Variants in THAP4 observed in about 807,000 individuals in gnomAD.
THAP4 encodes the protein THAP domain containing 4.
A neutral mutation model predicts 48.1 loss-of-function variants in THAP4; 18 were observed. The observed-to-expected ratio is 0.37, with a 90% CI of 0.26 to 0.56. The LOEUF (loss-of-function observed/expected upper bound fraction) is 0.56. THAP4 is among the 20% of genes least tolerant of loss of function. THAP4 has a pLI of 0.78. For synonymous variants in THAP4, 345 were observed against 324.9 expected, an observed-to-expected ratio of 1.06 and a Z score of -0.66; for missense variants, 656 against 774.9, an observed-to-expected ratio of 0.85 and a Z score of 1.82.
rs895083411 is a variant in THAP4 at position 241,616,347 on chromosome 2, G to A, written c.1241-9874C>T. ...ATCAGTGAGAAGGGCGGGTGCAGGC[G>A]CACGAGAGCTGAGGGCGAGCCCTGG... On this transcript the variant is annotated intron_variant, in intron 2 of 5. Coordinates refer to ENST00000407315, the MANE Select transcript of THAP4 (RefSeq NM_015963.6). The surrounding 1 kb of genome is among the most constrained non-coding windows in gnomAD (Gnocchi z 4.6). Among the ~76,000 whole-genome samples, 7 of 152,210 alleles carry A rather than the reference G, an allele frequency of 4.6e-5. No homozygotes were observed. Among genetic ancestry groups the A allele is most frequent in the African/African-American group, 1.2e-4 (5 of 41,460 alleles).
In THAP4 at chr2:241,610,228, G is replaced by GC. The variant is rs2067249055; in HGVS notation, c.1241-3756dup. On this transcript the variant is annotated intron_variant, in intron 2 of 5. Coordinates refer to ENST00000407315, the MANE Select transcript of THAP4 (RefSeq NM_015963.6). This position sits in a 1 kb window ranked among gnomAD's most constrained non-coding sequence, Gnocchi z 4.2. The stretch of plus-strand genomic sequence containing the variant: ...CGGGCTAGGGTGAGGGGCACGCGCC[G>GC]CAAGTCCTGCCTCTGCTCCCGGGCG... Among the ~76,000 whole-genome samples the GC allele has an allele frequency of 2.6e-5, 4 of 152,272 alleles. No individual in the cohort carries two copies. The South Asian group carries it at 8.3e-4, about 32-fold the overall frequency.
Position 241,637,109 on chromosome 2 carries a change from A to G in THAP4, c.-92T>C. Reference sequence around the variant, plus strand: ...CCGAGGGAGGGAGCGCGGCGGCGACACGGCTCGGGACGTGGGCCGGCCCGC... The same window carrying G: ...CCGAGGGAGGGAGCGCGGCGGCGACGCGGCTCGGGACGTGGGCCGGCCCGC... On this transcript the variant is annotated 5_prime_UTR_variant, in exon 1 of 6. Coordinates refer to ENST00000407315, the MANE Select transcript of THAP4 (RefSeq NM_015963.6). The G allele has an allele frequency of 1.4e-5, 14 of 1,008,180 alleles. No individual in the cohort carries two copies. The highest frequency in any genetic ancestry group is 1.7e-5 in the Non-Finnish European group (14 of 848,380). The allele number at this position is 1,008,180 out of a possible 1,614,324, so 62.5% of individuals were successfully genotyped here.
intron 2 of THAP4, among the ~76,000 whole-genome samples, chr2:241,619,867 C>T (rs1247520801): frequency 1.2e-3 from 27 of 22,374 alleles, no homozygotes; most frequent in Non-Finnish European, 1.7e-3. Flanking sequence ...AGTGAGGAGT[C>T]GGTGAGTGAG....
chr2:241,615,203 G>A (rs1402251276), intron 2 of THAP4, among the ~76,000 whole-genome samples: 3 of 152,130 alleles, frequency 2.0e-5, no homozygotes, highest in Admixed American at 1.3e-4. Context: ...GACGGGGAGG[G>A]GCTTGGAGGG....
At chr2:241,590,865 A>G (rs377483945) in intron 5 of THAP4, among the ~76,000 whole-genome samples, 261 of 70,938 alleles carry the variant, frequency 3.7e-3, no homozygotes, top group East Asian at 0.017. Flanking sequence ...ACTAGGACAC[A>G]CAGAACTGCC....
intron 5 of THAP4, among the ~76,000 whole-genome samples, chr2:241,600,291 G>A (rs2067096029): frequency 2.6e-5 from 4 of 152,180 alleles, no homozygotes; most frequent in African/African-American, 9.7e-5. Flanking sequence ...GAGTCAGGAT[G>A]GAATTCGATG....
upstream of THAP4, chr2:241,637,276 C>T: frequency 9.1e-7 from 1 of 1,103,960 alleles, no homozygotes; most frequent in Non-Finnish European, 1.1e-6. Context: ...TCGCAGCGTC[C>T]GTCGGCAGGC....
chr2:241,633,702 T>C lies in THAP4; in HGVS notation c.455A>G (p.Glu152Gly), dbSNP rs2067600410. 1.2e-6 allele frequency: 2 copies of C among 1,611,764 alleles called. No homozygotes were observed. The highest frequency in any genetic ancestry group is 1.7e-6 in the Non-Finnish European group (2 of 1,179,648). ...RRLKQAALQG[E>G]ATPRAAQEAA... The stretch of plus-strand genomic sequence containing the variant: ...CTCCTGGGCCGCCCTGGGTGTGGCT[T>C]CACCTTGCAGAGCAGCTTGCTTCAA... Residue 152 changes from glutamate (E) to glycine (G), a missense_variant, in exon 2 of 6, where the codon GAA (glutamate) becomes GGA (glycine). By Grantham distance (98) the Glu-to-Gly change is moderately conservative (BLOSUM62 -2). This residue lies in a region of THAP4 where 391 missense variants were observed against 412.4 expected (regional missense o/e 0.95). Transcript: ENST00000407315. This position sits in a 1 kb window ranked among gnomAD's most constrained non-coding sequence, Gnocchi z 7.5.
Position 241,633,104 on chromosome 2 carries a change from G to A in THAP4, c.1053C>T (p.Ser351=), listed in dbSNP as rs1305923372. 1.2e-6 allele frequency: 2 copies of A among 1,613,924 alleles called. No individual in the cohort carries two copies. The highest frequency in any genetic ancestry group is 3.3e-5 in the Admixed American group (2 of 59,984). Reference sequence around the variant, plus strand: ...ACACCTGGCTCTTGTTCTGCCGGGAGGAGAAGCAGTAGGAGTGCAGTGAGT... The same window carrying A: ...ACACCTGGCTCTTGTTCTGCCGGGAAGAGAAGCAGTAGGAGTGCAGTGAGT... ...LIDSLHSYCF[S]SRQNKSQVCC... is the part of the protein sequence containing the mutation. Residue 351 remains serine, a synonymous_variant, in exon 2 of 6, where the codon TCC becomes TCT. Coordinates refer to ENST00000407315, the MANE Select transcript of THAP4 (RefSeq NM_015963.6). This position sits in a 1 kb window ranked among gnomAD's most constrained non-coding sequence, Gnocchi z 7.5.
At chr2:241,584,811 C>G in intron 5 of THAP4, 86 bp from the exon 6 acceptor site, 5 of 1,541,896 alleles carry the variant, frequency 3.2e-6, no homozygotes, top group Non-Finnish European at 4.5e-6. Flanking sequence ...ATGCCACACA[C>G]TCATCACGGG....
intron 2 of THAP4, among the ~76,000 whole-genome samples, chr2:241,624,258 C>T (rs2067468922): frequency 6.6e-6 from 1 of 152,162 alleles, no homozygotes; most frequent in Non-Finnish European, 1.5e-5. Flanking sequence ...GAGGCTGAGG[C>T]GGGCAGATCA....
chr2:241,613,997 C>CA (rs910300230), intron 2 of THAP4, among the ~76,000 whole-genome samples: 15 of 151,796 alleles, frequency 9.9e-5, no homozygotes, highest in African/African-American at 3.4e-4. Context: ...ACCAGAAATA[C>CA]AAAAAAATTA....
In THAP4 at chr2:241,633,844, C is replaced by T. The variant is rs1430796042; in HGVS notation, c.313G>A (p.Ala105Thr). 3.1e-6 allele frequency: 5 copies of T among 1,613,722 alleles called. No individual in the cohort carries two copies. The highest frequency in any genetic ancestry group is 4.5e-5 in the East Asian group (2 of 44,860). ...CTCACACCCCCTGTGGCCTTGCTGG[C>T]ATCTTTTCTCCGGGTGCGGCCATGG... ...GGHGRTRRKD[A>T]SKATGGVRGH... Residue 105 changes from alanine to threonine, a missense_variant, in exon 2 of 6, where the codon GCC (alanine) becomes ACC (threonine). Around this residue, in one of 4 missense-constraint regions of THAP4, gnomAD observed 391 missense variants for 412.4 expected, o/e 0.95. Coordinates refer to ENST00000407315, the MANE Select transcript of THAP4 (RefSeq NM_015963.6). The surrounding 1 kb of genome is among the most constrained non-coding windows in gnomAD (Gnocchi z 7.5).
In THAP4 at chr2:241,636,928, G is replaced by T; in HGVS notation, c.77+13C>A. 1 of 1,238,390 alleles carries T rather than the reference G, an allele frequency of 8.1e-7. No homozygotes were observed. The highest frequency in any genetic ancestry group is 6.4e-5 in the East Asian group (1 of 15,624). 76.7% of individuals were successfully genotyped at this position (1,238,390 alleles called of 1,614,324 possible). On this transcript the variant is annotated intron_variant, in intron 1 of 5. Coordinates refer to ENST00000407315, the MANE Select transcript of THAP4 (RefSeq NM_015963.6). ...GGTCGGGGCGGGGGCGTGGCGGCCCGGGGCCCGCGTACCTGTGGAAGGAGA... is the reference window on the plus strand; with the variant it reads ...GGTCGGGGCGGGGGCGTGGCGGCCCTGGGCCCGCGTACCTGTGGAAGGAGA...
Position 241,632,921 on chromosome 2 carries a change from G to A in THAP4, c.1236C>T (p.Ser412=), listed in dbSNP as rs2067583973. 1 of 1,596,482 alleles carries A rather than the reference G, an allele frequency of 6.3e-7. No homozygotes were observed. ...ACGCGAGGCTCCGGTACTGACCGCGGCTGGGCGACAGCAGGCTACTTGGAT... is the reference window on the plus strand; with the variant it reads ...ACGCGAGGCTCCGGTACTGACCGCGACTGGGCGACAGCAGGCTACTTGGAT... The part of the protein sequence containing the change: ...VPYPSSLLSP[S]REPPKMNPVV... Residue 412 remains serine (S), a synonymous_variant, in exon 2 of 6, where the codon AGC becomes AGT. Transcript: ENST00000407315.
chr2:241,628,024 G>A (rs1346533323), intron 2 of THAP4, among the ~76,000 whole-genome samples: 8 of 151,794 alleles, frequency 5.3e-5, no homozygotes, highest in Non-Finnish European at 1.0e-4. Context: ...CCTCATCACT[G>A]GCCCCCTCTC....
At chr2:241,608,042 G>T (rs528370061) in intron 2 of THAP4, among the ~76,000 whole-genome samples, 1 of 152,140 alleles carries the variant, frequency 6.6e-6, no homozygotes, top group South Asian at 2.1e-4. Flanking sequence ...GACTGACGGG[G>T]ACAGGAGTTC....
At chr2:241,604,276 G>A (rs1047812602) in intron 3 of THAP4, among the ~76,000 whole-genome samples, 8 of 151,566 alleles carry the variant, frequency 5.3e-5, no homozygotes, top group African/African-American at 1.7e-4. Context: ...TTGAGACAGA[G>A]TTTCTCTCTT....
intron 5 of THAP4, among the ~76,000 whole-genome samples, chr2:241,598,323 A>T (rs1365395837): frequency 6.6e-6 from 1 of 152,234 alleles, no homozygotes; most frequent in Admixed American, 6.5e-5. Context: ...CATTTGCAAA[A>T]GCTAAGAAGC....
Sources: allele counts gnomAD v4.1 joint callset (sites outside exome capture counted in the v4.1 genomes callset), GRCh38; gene constraint gnomAD v4.1.1; regional missense constraint gnomAD v4.1.1; non-coding constraint Gnocchi (gnomAD v3.1); transcripts MANE v1.5; gene names NCBI Gene and HGNC (gene_info 2026-07-23, HGNC 2026-07-21).